The following VPS13A variants were observed in gnomAD, a reference collection of about 807,000 sequenced individuals.
The protein encoded by VPS13A is intermembrane lipid transfer protein VPS13A.
Under a neutral mutation model 390.9 loss-of-function variants are expected in VPS13A, and 264 were observed. The ratio of observed to expected loss-of-function variants is 0.68; its 90% CI spans 0.61 to 0.75. The LOEUF is 0.75. Ranked by LOEUF, VPS13A falls within the 30% of genes least tolerant of loss-of-function variation. The pLI, the probability that VPS13A is intolerant of heterozygous loss-of-function variation, is 0.00. For synonymous variants in VPS13A, 1,231 were observed against 1,227.1 expected (o/e 1.00, Z -0.07); for missense variants, 3,409 against 3,733.9 (o/e 0.91, Z 2.27).
intron 46 of VPS13A, among the ~76,000 whole-genome samples, chr9:77,336,857 C>T (rs886598430): frequency 6.6e-4 from 87 of 132,726 alleles, no homozygotes; most frequent in African/African-American, 2.0e-3. Context: ...AGTGCAGTGG[C>T]GCAATCTCGG....
chr9:77,237,994 T>A lies in VPS13A; in HGVS notation c.1596-8T>A, dbSNP rs764520574. 1.1e-5 allele frequency: 18 copies of A among 1,581,204 alleles called. No homozygotes were observed. In the African/African-American group the frequency reaches 2.0e-4, roughly 18 times the overall value. ...ATCGCTGACTTTTTTCTTTTTTTTT[T>A]AATGCAGATTTGAAACTAAAATAGA... On this transcript the variant is annotated splice_polypyrimidine_tract_variant and splice_region_variant and intron_variant, in intron 17 of 71. Transcript: ENST00000360280.
At chr9:77,195,265 A>C (rs1371618916) in intron 1 of VPS13A, among the ~76,000 whole-genome samples, 1 of 152,070 alleles carries the variant, frequency 6.6e-6, no homozygotes, top group Non-Finnish European at 1.5e-5. Context: ...CTGGTACTGC[A>C]GGTGCCCGCC....
rs1256147090 is a variant in VPS13A, at chr9:77,418,580, T to A, written c.*2574T>A. On this transcript the variant is annotated 3_prime_UTR_variant, in exon 72 of 72. Transcript: ENST00000360280. ...GCTTTTCCTTTAGTGTTCACAAAAATCCCAAGGTCAGTTTAGTGTGGCTGA... is the reference window on the plus strand; with the variant it reads ...GCTTTTCCTTTAGTGTTCACAAAAAACCCAAGGTCAGTTTAGTGTGGCTGA... 6.6e-6 allele frequency: 1 copy of A among 152,186 alleles called. No individual in the cohort carries two copies. The highest frequency in any genetic ancestry group is 1.5e-5 in the Non-Finnish European group (1 of 68,046). The allele number at this position is 152,186 out of a possible 1,614,324, so 9.4% of individuals were successfully genotyped here.
intron 31 of VPS13A, among the ~76,000 whole-genome samples, chr9:77,283,908 C>T (rs915470776): frequency 2.7e-5 from 4 of 150,128 alleles, no homozygotes; most frequent in Middle Eastern, 3.5e-3. Flanking sequence ...GAGATAAGTA[C>T]GAATAATGCT....
chr9:77,203,798 T>C (rs1379606864), intron 3 of VPS13A, among the ~76,000 whole-genome samples: 1 of 152,222 alleles, frequency 6.6e-6, no homozygotes, highest in Admixed American at 6.5e-5. Flanking sequence ...AATCTTATTA[T>C]TTCATTTTGG....
rs772428370 is a variant in VPS13A, at chr9:77,370,997, A to C, written c.8954-29A>C. On this transcript the variant is annotated intron_variant, in intron 66 of 71. Transcript: ENST00000360280. The stretch of plus-strand genomic sequence containing the variant: ...TGATTCTGTTTTCATTCTTGGATGC[A>C]ATTGTCAAAAACTCTTTTTTCTTTC... 2.5e-6 allele frequency: 4 copies of C among 1,614,138 alleles called. No individual in the cohort carries two copies. The Admixed American group carries it at 6.7e-5, about 27-fold the overall frequency.
intron 23 of VPS13A, among the ~76,000 whole-genome samples, chr9:77,270,844 T>G (rs1333659337): frequency 1.3e-5 from 2 of 152,206 alleles, no homozygotes; most frequent in Non-Finnish European, 2.9e-5. Context: ...ATTTCAACCC[T>G]TATCTTATAT....
At position 77,213,259 on chromosome 9, in the gene VPS13A, C is replaced by T; in HGVS notation, c.641C>T (p.Ala214Val). The change falls in exon 9 of 72, where the codon GCC (alanine) becomes GTC (valine). Residue 214 changes from alanine to valine, a missense_variant. Around this residue, in one of 5 missense-constraint regions of VPS13A, gnomAD observed 2,717 missense variants for 2,917.4 expected, o/e 0.93. Transcript: ENST00000360280. ...RKLIRLDNLF[A>V]YWNVKSQMFY... ...TTAATCCGATTGGATAACCTGTTTGCCTATTGGAATGTGAAGTCTCAGATG... is the reference window on the plus strand; with the variant it reads ...TTAATCCGATTGGATAACCTGTTTGTCTATTGGAATGTGAAGTCTCAGATG... The T allele has an allele frequency of 1.2e-6, 2 of 1,613,508 alleles. No homozygotes were observed.
intron 17 of VPS13A, among the ~76,000 whole-genome samples, chr9:77,229,774 T>C (rs1823720326): frequency 6.6e-6 from 1 of 152,192 alleles, no homozygotes; most frequent in Non-Finnish European, 1.5e-5. Context: ...TTAATTTTCT[T>C]GGGTAGACAC....
chr9:77,188,109 C>G (rs901478577), intron 1 of VPS13A, among the ~76,000 whole-genome samples: 2 of 152,160 alleles, frequency 1.3e-5, no homozygotes, highest in South Asian at 2.1e-4. Context: ...TGCACTCCCC[C>G]TCTTGCTCCT....
intron 46 of VPS13A, among the ~76,000 whole-genome samples, chr9:77,332,373 A>C (rs529468428): frequency 6.4e-4 from 97 of 152,084 alleles, no homozygotes; most frequent in Admixed American, 1.0e-3. Context: ...TAGTCATATG[A>C]TTATGAGTTT....
rs988547805 is a variant in VPS13A, at chr9:77,228,672, C to T, written c.1595+408C>T. 6.6e-5 allele frequency among the ~76,000 whole-genome samples: 10 copies of T among 152,094 alleles called. No homozygotes were observed. The East Asian group carries it at 9.7e-4, about 15-fold the overall frequency. ...TAGTAATTTCACATTGGTATATTTA[C>T]GAAGCTGTACAACCACCAGCACTGT... On this transcript the variant is annotated intron_variant, in intron 17 of 71. Coordinates refer to ENST00000360280, the MANE Select transcript of VPS13A (RefSeq NM_033305.3).
intron 68 of VPS13A, chr9:77,384,631 G>A (rs1563980935): frequency 6.2e-7 from 1 of 1,606,046 alleles, no homozygotes; most frequent in Non-Finnish European, 8.5e-7. Context: ...AGTAGCAGTA[G>A]TGATGATGAT....
intron 3 of VPS13A, among the ~76,000 whole-genome samples, chr9:77,202,428 A>G (rs754534672): frequency 5.9e-5 from 9 of 152,198 alleles, no homozygotes; most frequent in Non-Finnish European, 1.0e-4. Context: ...TTACAGTTTT[A>G]TATTTTTTCA....
At chr9:77,191,749 G>T (rs1824700391) in intron 1 of VPS13A, among the ~76,000 whole-genome samples, 1 of 152,154 alleles carries the variant, frequency 6.6e-6, no homozygotes, top group African/African-American at 2.4e-5. Flanking sequence ...TTGAGAACAT[G>T]GTTGGTATGA....
intron 26 of VPS13A, among the ~76,000 whole-genome samples, chr9:77,279,543 CA>C (rs1826894368): frequency 6.6e-6 from 1 of 151,900 alleles, no homozygotes; most frequent in African/African-American, 2.4e-5. Context: ...TTTTCAGGTG[CA>C]AAAACAGAAA....
Position 77,314,117 on chromosome 9 carries a change from C to G in VPS13A, c.4240C>G (p.Gln1414Glu). 1 of 1,612,872 alleles carries G rather than the reference C, an allele frequency of 6.2e-7. No homozygotes were observed. The highest frequency in any genetic ancestry group is 8.5e-7 in the Non-Finnish European group (1 of 1,179,362). Residue 1414 changes from glutamine (Q) to glutamate (E), a missense_variant and splice_region_variant, in exon 36 of 72, where the codon CAG (glutamine) becomes GAG (glutamate). This residue lies in a region of VPS13A where 2,717 missense variants were observed against 2,917.4 expected (regional missense o/e 0.93). Coordinates refer to ENST00000360280, the MANE Select transcript of VPS13A (RefSeq NM_033305.3). ...TMVLYSPGPKQASFTDVRDPS... is the reference protein window; with the variant it reads ...TMVLYSPGPKEASFTDVRDPS... ...GGTGCTGTATAGTCCAGGTCCTAAA[C>G]AGGTAAGTCCAGGAAGAAAAGAAAA...
Position 77,250,110 on chromosome 9 carries a change from GT to G in VPS13A, c.2052del (p.Arg685ValfsTer7). ...ATTAACTTGAAGGTGACGAGTAAAA[GT>G]CGTTCTGAATTACCAGATGTGAAAC... is the stretch of plus-strand genomic sequence containing the variant. Reference protein sequence around the residue: ...DLGHLKVTSKSRSELPDVKQG... With the variant: ...DLGHLKVTSKXRSELPDVKQG... On this transcript the variant is annotated frameshift_variant, in exon 21 of 72. Coordinates refer to ENST00000360280, the MANE Select transcript of VPS13A (RefSeq NM_033305.3). LOFTEE classifies it high-confidence loss of function. 1.2e-6 allele frequency: 2 copies of G among 1,613,770 alleles called. No individual in the cohort carries two copies. Among genetic ancestry groups the G allele is most frequent in the Non-Finnish European group, 1.7e-6 (2 of 1,179,880 alleles).
intron 68 of VPS13A, among the ~76,000 whole-genome samples, chr9:77,401,329 TTGTGTGTGTGTGTGTG>T (rs4012461): frequency 2.2e-3 from 308 of 140,520 alleles, no homozygotes; most frequent in Middle Eastern, 7.5e-3. Context: ...TCACATGAAG[TTGTGTGTGTGTGTGTG>T]TGTGTGTGTG....
Sources: gnomAD v4.1 joint callset for allele counts (sites outside exome capture counted in the v4.1 genomes callset) on GRCh38, gnomAD v4.1.1 for gene constraint, gnomAD v4.1.1 regional missense constraint, MANE v1.5 for transcripts, NCBI Gene and HGNC (gene_info 2026-07-23, HGNC 2026-07-21) for gene names.